The following SIPA1L3 variants were observed in gnomAD, a reference collection of about 807,000 sequenced individuals.
SIPA1L3 encodes signal-induced proliferation-associated 1-like protein 3.
In SIPA1L3, 59 loss-of-function variants were observed where a neutral mutation model predicts 150.1. The observed-to-expected ratio is 0.39, with a 90% CI of 0.32 to 0.49. The LOEUF is 0.49. SIPA1L3 is among the 20% of genes least tolerant of loss of function. The pLI is 0.86. For synonymous variants in SIPA1L3, 1,070 were observed against 1,077.6 expected (o/e 0.99, Z 0.14); for missense variants, 2,211 against 2,489.5 (o/e 0.89, Z 2.38).
At chr19:38,176,715 T>C (rs1338791956) in intron 15 of SIPA1L3, among the ~76,000 whole-genome samples, 1 of 152,184 alleles carries the variant, frequency 6.6e-6, no homozygotes, top group Non-Finnish European at 1.5e-5. Flanking sequence ...CTTACACCTG[T>C]AATCCCAGCA....
At chr19:38,163,146 T>A (rs1474152716) in intron 14 of SIPA1L3, among the ~76,000 whole-genome samples, 1 of 152,146 alleles carries the variant, frequency 6.6e-6, no homozygotes. Flanking sequence ...GGAAGCTGAC[T>A]TCCCATTTGG....
chr19:38,177,840 A>G (rs1321121821), intron 15 of SIPA1L3, among the ~76,000 whole-genome samples: 1 of 152,198 alleles, frequency 6.6e-6, no homozygotes, highest in Non-Finnish European at 1.5e-5. Context: ...AGCCTAGCCA[A>G]CATGGTGAAA....
intron 3 of SIPA1L3, 127 bp from the exon 4 acceptor site, chr19:38,088,594 T>G: frequency 3.3e-6 from 4 of 1,198,522 alleles, no homozygotes; most frequent in Non-Finnish European, 4.6e-6. Context: ...GGCATGAGGT[T>G]TGCGTGACCA....
intron 1 of SIPA1L3, among the ~76,000 whole-genome samples, chr19:38,028,824 C>A (rs904370016): frequency 6.6e-6 from 1 of 151,882 alleles, no homozygotes; most frequent in Non-Finnish European, 1.5e-5. Context: ...TCCCAAGTAC[C>A]TGGCATGACA....
chr19:38,023,258 C>T (rs556498671), intron 1 of SIPA1L3, among the ~76,000 whole-genome samples: 3 of 152,154 alleles, frequency 2.0e-5, no homozygotes, highest in Admixed American at 6.5e-5. Context: ...GCGGTGGGGC[C>T]GGGGGTCAGG....
intron 21 of SIPA1L3, among the ~76,000 whole-genome samples, chr19:38,204,767 A>G (rs1247819049): frequency 6.6e-6 from 1 of 151,822 alleles, no homozygotes; most frequent in African/African-American, 2.4e-5. Context: ...CTCCATCTCA[A>G]AAAAAAAGAA....
intron 8 of SIPA1L3, among the ~76,000 whole-genome samples, chr19:38,117,473 G>A (rs559615421): frequency 2.4e-4 from 36 of 152,210 alleles, no homozygotes; most frequent in African/African-American, 7.9e-4. Flanking sequence ...TACAAAATTA[G>A]CCAGGCGTTG....
rs12982415 is a variant in SIPA1L3, at chr19:38,206,600, C to T, written c.*360C>T. The stretch of plus-strand genomic sequence containing the variant: ...ACGGAGAGAGGAGCCAGTCTCCAGA[C>T]GCCTCGGCTCCAGGAGGTCACACAG... On this transcript the variant is annotated 3_prime_UTR_variant, in exon 22 of 22. Coordinates refer to ENST00000222345, the MANE Select transcript of SIPA1L3 (RefSeq NM_015073.3). 0.021 allele frequency: 4,038 copies of T among 190,682 alleles called. 60 individuals carry two copies. The highest frequency in any genetic ancestry group is 0.034 in the Non-Finnish European group (3,165 of 93,722). The allele number at this position is 190,682 out of a possible 1,614,324, so 11.8% of individuals were successfully genotyped here. A position where few individuals can be genotyped will look rare whatever the true frequency, so the allele number is the denominator to read the frequency against.
At chr19:38,133,320 G>A (rs574229100) in intron 10 of SIPA1L3, among the ~76,000 whole-genome samples, 1 of 152,246 alleles carries the variant, frequency 6.6e-6, no homozygotes, top group Non-Finnish European at 1.5e-5. Context: ...ATGACGGTTT[G>A]CAGACGAGTG....
intron 14 of SIPA1L3, among the ~76,000 whole-genome samples, chr19:38,163,148 C>T (rs1388888639): frequency 1.3e-5 from 2 of 152,152 alleles, no homozygotes; most frequent in Non-Finnish European, 2.9e-5. Context: ...AAGCTGACTT[C>T]CCATTTGGGG....
At chr19:38,127,815 G>C (rs760281616) in intron 9 of SIPA1L3, among the ~76,000 whole-genome samples, 14 of 152,112 alleles carry the variant, frequency 9.2e-5, no homozygotes, top group Non-Finnish European at 1.8e-4. Flanking sequence ...AGCCCGAGTT[G>C]CAACAGTGTT....
rs867152693 is a variant in SIPA1L3 at position 38,181,811 on chromosome 19, A to C, written c.4209-708A>C. Among the ~76,000 whole-genome samples, 16 of 145,236 alleles carry C rather than the reference A, an allele frequency of 1.1e-4. No homozygotes were observed. In the South Asian group the frequency reaches 3.5e-3, roughly 32 times the overall value. On this transcript the variant is annotated intron_variant, in intron 15 of 21. Coordinates refer to ENST00000222345, the MANE Select transcript of SIPA1L3 (RefSeq NM_015073.3). ...GAGTGAGCTGAGATTGCACCACTGC[A>C]CTCCAGCCTGGGCAACAGAGTGAGA...
At chr19:38,099,871 T>G in intron 4 of SIPA1L3, 91 bp from the exon 5 acceptor site, 1 of 1,096,760 alleles carries the variant, frequency 9.1e-7, no homozygotes, top group Admixed American at 2.9e-5. Flanking sequence ...TCATCACACA[T>G]GTCTCTTTCA....
chr19:37,931,294 T>C (rs1225206885), intron 1 of SIPA1L3, among the ~76,000 whole-genome samples: 1 of 150,192 alleles, frequency 6.7e-6, no homozygotes, highest in Non-Finnish European at 1.5e-5. Flanking sequence ...GGAGGATCGC[T>C]TGAAGCTAGG....
intron 1 of SIPA1L3, among the ~76,000 whole-genome samples, chr19:37,944,081 A>G (rs947632548): frequency 2.6e-5 from 4 of 152,098 alleles, no homozygotes; most frequent in African/African-American, 9.7e-5. Flanking sequence ...GTTCGAGACC[A>G]GCCTGGCCAA....
chr19:37,920,058 ATTTTT>A (rs770521761), intron 1 of SIPA1L3, among the ~76,000 whole-genome samples: 2 of 119,608 alleles, frequency 1.7e-5, no homozygotes. Flanking sequence ...TTGGTTTGTA[ATTTTT>A]TTTTTTTTTT....
At chr19:38,009,353 A>G (rs1327552868) in intron 1 of SIPA1L3, among the ~76,000 whole-genome samples, 1 of 152,086 alleles carries the variant, frequency 6.6e-6, no homozygotes, top group Non-Finnish European at 1.5e-5. Flanking sequence ...GAATAGGTAG[A>G]GAGAGAAGGA....
At chr19:38,031,475 A>G (rs1968652877) in intron 2 of SIPA1L3, among the ~76,000 whole-genome samples, 2 of 152,044 alleles carry the variant, frequency 1.3e-5, no homozygotes, top group African/African-American at 4.8e-5. Context: ...CTGCTCTGCT[A>G]TTTTGTTGGG....
At chr19:38,051,344 T>C (rs1969193490) in intron 2 of SIPA1L3, among the ~76,000 whole-genome samples, 1 of 152,232 alleles carries the variant, frequency 6.6e-6, no homozygotes, top group Non-Finnish European at 1.5e-5. Context: ...GATTCTTTAA[T>C]GAGAGACTCT....
Sources: gnomAD v4.1 joint callset for allele counts (sites outside exome capture counted in the v4.1 genomes callset) on GRCh38, gnomAD v4.1.1 for gene constraint, MANE v1.5 for transcripts, NCBI Gene and HGNC (gene_info 2026-07-23, HGNC 2026-07-21) for gene names.